Variants in FBXL7 observed in about 807,000 individuals in gnomAD.
FBXL7 encodes the protein F-box and leucine rich repeat protein 7.
FBXL7 carries 12 observed loss-of-function variants against 38.3 expected under a neutral mutation model. The ratio of observed to expected loss-of-function variants is 0.31; its 90% confidence interval spans 0.20 to 0.51. FBXL7 has a LOEUF of 0.51. FBXL7 is among the 20% of genes least tolerant of loss of function. The pLI, the probability that FBXL7 is intolerant of heterozygous loss-of-function variation, is 0.98. For synonymous variants in FBXL7, 297 were observed against 300.9 expected (o/e 0.99, Z 0.13); for missense variants, 567 against 676.4 (o/e 0.84, Z 1.79).
At chr5:15,565,358 C>G (rs994692236) in intron 1 of FBXL7, among the ~76,000 whole-genome samples, 1 of 151,920 alleles carries the variant, frequency 6.6e-6, no homozygotes, top group Non-Finnish European at 1.5e-5. Context: ...TGGTTGGGTT[C>G]TAAGTATTTG....
intron 2 of FBXL7, among the ~76,000 whole-genome samples, chr5:15,616,870 G>A (rs995811973): frequency 8.5e-5 from 13 of 152,288 alleles, no homozygotes; most frequent in East Asian, 3.9e-4. Flanking sequence ...AAACATCGAC[G>A]CCATTGATAA....
intron 2 of FBXL7, among the ~76,000 whole-genome samples, chr5:15,702,825 C>T (rs1435272332): frequency 6.6e-6 from 1 of 151,624 alleles, no homozygotes; most frequent in Non-Finnish European, 1.5e-5. Flanking sequence ...GAGCTGAGTC[C>T]GAAAAGAGAG....
At chr5:15,656,559 C>T (rs1391119076) in intron 2 of FBXL7, among the ~76,000 whole-genome samples, 1 of 152,074 alleles carries the variant, frequency 6.6e-6, no homozygotes, top group Non-Finnish European at 1.5e-5. Context: ...GAAACTGCCC[C>T]CATGATTCAG....
chr5:15,718,804 A>T (rs1168054981), intron 2 of FBXL7, among the ~76,000 whole-genome samples: 2 of 152,222 alleles, frequency 1.3e-5, no homozygotes, highest in Admixed American at 1.3e-4. Context: ...ATTTGTGTTC[A>T]CGGAGAATGA....
At chr5:15,859,057 G>A (rs546612725) in intron 2 of FBXL7, among the ~76,000 whole-genome samples, 166 of 152,148 alleles carry the variant, frequency 1.1e-3, no homozygotes, top group Non-Finnish European at 2.0e-3. Flanking sequence ...CAATACTTAC[G>A]ATCAAGTGCT....
chr5:15,804,726 GAGTGA>G, intron 2 of FBXL7, among the ~76,000 whole-genome samples: 1 of 152,098 alleles, frequency 6.6e-6, no homozygotes, highest in Non-Finnish European at 1.5e-5. Context: ...ATTCTCACAG[GAGTGA>G]GAACCTGATT....
rs187853468 is a variant in FBXL7 at position 15,927,827 on chromosome 5, G to A, written c.128-63G>A. The A allele has an allele frequency of 3.8e-4, 462 of 1,228,716 alleles. 1 individual carries two copies. The African/African-American group carries it at 6.7e-3, about 18-fold the overall frequency. The allele number at this position is 1,228,716 out of a possible 1,614,324, so 76.1% of individuals were successfully genotyped here. A position where few individuals can be genotyped will look rare whatever the true frequency, so the allele number is the denominator to read the frequency against. On this transcript the variant is annotated intron_variant, in intron 2 of 3. Coordinates refer to ENST00000504595, the MANE Select transcript of FBXL7 (RefSeq NM_012304.5). ...AGAAAAGAAAGAAACCAGTGCTTTTGCTGCCTCCCTGGGGCTCTGCTGAGG... is the reference window on the plus strand; with the variant it reads ...AGAAAAGAAAGAAACCAGTGCTTTTACTGCCTCCCTGGGGCTCTGCTGAGG...
intron 2 of FBXL7, among the ~76,000 whole-genome samples, chr5:15,746,867 TACTA>T (rs765234008): frequency 6.6e-6 from 1 of 152,066 alleles, no homozygotes; most frequent in Non-Finnish European, 1.5e-5. Flanking sequence ...AATAAATACA[TACTA>T]AATACGAGTG....
At position 15,936,150 on chromosome 5, in the gene FBXL7, G is replaced by A. The variant is rs1042235088; in HGVS notation, c.740-300G>A. Among the ~76,000 whole-genome samples, 3 of 152,202 alleles carry A rather than the reference G, an allele frequency of 2.0e-5. No homozygotes were observed. The highest frequency in any genetic ancestry group is 6.5e-5 in the Admixed American group (1 of 15,278). On this transcript the variant is annotated intron_variant, in intron 3 of 3. Coordinates refer to ENST00000504595, the MANE Select transcript of FBXL7 (RefSeq NM_012304.5). The surrounding 1 kb of genome is among the most constrained non-coding windows in gnomAD (Gnocchi z 6.0). ...TATTTTAAGACAAAGGAAATACTCA[G>A]AAGGATTGATTTGCTAAATGTCAGG...
At chr5:15,566,822 G>A (rs1463183618) in intron 1 of FBXL7, among the ~76,000 whole-genome samples, 6 of 152,076 alleles carry the variant, frequency 3.9e-5, no homozygotes, top group Non-Finnish European at 7.4e-5. Flanking sequence ...ACCTATTTAT[G>A]GTGACTTGCC....
rs189819189 is a variant in FBXL7, at chr5:15,707,358, T to A, written c.127+91286T>A. ...CTGTGCACACATCTTGTTATAGGTA[T>A]CTCTCATTTTCAGTAAAGAAACTAT... On this transcript the variant is annotated intron_variant, in intron 2 of 3. Transcript: ENST00000504595. 3.8e-3 allele frequency among the ~76,000 whole-genome samples: 571 copies of A among 152,202 alleles called. 3 individuals carry two copies. Among genetic ancestry groups the A allele is most frequent in the African/African-American group, 0.013 (529 of 41,542 alleles).
chr5:15,586,348 CCTCT>C (rs1739305644), intron 1 of FBXL7, among the ~76,000 whole-genome samples: 2 of 144,962 alleles, frequency 1.4e-5, no homozygotes, highest in South Asian at 4.6e-4. Flanking sequence ...TCTCTTTCTC[CCTCT>C]CTGTTTCTCT....
intron 2 of FBXL7, among the ~76,000 whole-genome samples, chr5:15,866,424 C>T (rs1739712573): frequency 6.6e-6 from 1 of 152,198 alleles, no homozygotes. Flanking sequence ...AGTAATATAA[C>T]ACATATGTGC....
chr5:15,749,270 T>G (rs1007638689), intron 2 of FBXL7, among the ~76,000 whole-genome samples: 7 of 136,816 alleles, frequency 5.1e-5, no homozygotes, highest in Non-Finnish European at 7.9e-5. Context: ...AAAAAAAAAT[T>G]CAAGAGTCCA....
In FBXL7 at chr5:15,633,938, A is replaced by AC. The variant is rs373203567; in HGVS notation, c.127+17869dup. ...TGGGATTACAGGTGCCTGCCACCAC[A>AC]CCCAGCTAATTTTTGTATTTTTAGT... On this transcript the variant is annotated intron_variant, in intron 2 of 3. Coordinates refer to ENST00000504595, the MANE Select transcript of FBXL7 (RefSeq NM_012304.5). Among the ~76,000 whole-genome samples the AC allele has an allele frequency of 4.2e-3, 630 of 150,808 alleles. 6 individuals are homozygous for AC. The highest frequency in any genetic ancestry group is 0.014 in the African/African-American group (587 of 41,040).
chr5:15,731,084 T>C (rs1346664806), intron 2 of FBXL7, among the ~76,000 whole-genome samples: 1 of 152,180 alleles, frequency 6.6e-6, no homozygotes, highest in Non-Finnish European at 1.5e-5. Flanking sequence ...CCCAGAGACA[T>C]AACCGTCTGA....
chr5:15,584,026 G>T (rs1739229120), intron 1 of FBXL7, among the ~76,000 whole-genome samples: 1 of 152,160 alleles, frequency 6.6e-6, no homozygotes, highest in African/African-American at 2.4e-5. Flanking sequence ...AGTCGACAAG[G>T]CCTGGGGCTT....
At chr5:15,602,897 C>T (rs1200965441) in intron 1 of FBXL7, among the ~76,000 whole-genome samples, 1 of 152,228 alleles carries the variant, frequency 6.6e-6, no homozygotes, top group East Asian at 1.9e-4. Flanking sequence ...GCAGTGGCAC[C>T]ATCATGGCTC....
chr5:15,512,472 C>T (rs574562695), intron 1 of FBXL7, among the ~76,000 whole-genome samples: 3 of 152,248 alleles, frequency 2.0e-5, no homozygotes, highest in African/African-American at 7.2e-5. Context: ...TAGCCATGAT[C>T]TTTATTGAGT....
Sources: gnomAD v4.1 joint callset for allele counts (sites outside exome capture counted in the v4.1 genomes callset) on GRCh38, gnomAD v4.1.1 for gene constraint, Gnocchi (gnomAD v3.1) non-coding constraint, MANE v1.5 for transcripts, NCBI Gene and HGNC (gene_info 2026-07-23, HGNC 2026-07-21) for gene names.